The following AZIN2 variants were observed in gnomAD, a reference collection of about 807,000 sequenced individuals.
AZIN2 encodes ODC antizyme inhibitor-2.
A neutral mutation model predicts 47.8 loss-of-function variants in AZIN2; 28 were observed. The observed-to-expected ratio is 0.59, with a 90% CI of 0.43 to 0.80. The LOEUF is 0.80. AZIN2 is among the 30% of genes least tolerant of loss of function. The pLI is 0.00. For synonymous variants in AZIN2, 221 were observed against 239.4 expected (o/e 0.92, Z 0.71); for missense variants, 535 against 582.5 (o/e 0.92, Z 0.84).
chr1:33,133,846 C>T, the AZIN2 span, among the ~76,000 whole-genome samples: 1 of 152,226 alleles, frequency 6.6e-6, no homozygotes, highest in Admixed American at 6.5e-5. Flanking sequence ...GCCAATTGTT[C>T]TTCCCCTAGT....
At chr1:33,111,824 T>C (rs112637300) in intron 10 of AZIN2, among the ~76,000 whole-genome samples, 2,871 of 152,064 alleles carry the variant, frequency 0.019, 76 homozygotes, top group East Asian at 0.08. Context: ...AGGCTGGTCT[T>C]GAACTCCTGA....
chr1:33,120,096 G>C lies in AZIN2; in HGVS notation c.1297G>C (p.Gly433Arg). 6.2e-7 allele frequency: 1 copy of C among 1,614,048 alleles called. No homozygotes were observed. Among genetic ancestry groups the C allele is most frequent in the Non-Finnish European group, 8.5e-7 (1 of 1,179,954 alleles). ...TGCAGAACAGGAGGATGACGTGGAG[G>C]GTGTGTGCAAGCCTCTGTCCTGCGG... Reference protein sequence around the residue: ...MAAEQEDDVEGVCKPLSCGWE... With the variant: ...MAAEQEDDVERVCKPLSCGWE... Residue 433 changes from glycine (G) to arginine (R), a missense_variant, in exon 12 of 12, where the codon GGT becomes CGT. Around this residue, in one of 3 missense-constraint regions of AZIN2, gnomAD observed 122 missense variants for 135.8 expected, o/e 0.90. Coordinates refer to ENST00000294517, the MANE Select transcript of AZIN2 (RefSeq NM_052998.4).
At chr1:33,116,112 A>G (rs1439290588) in intron 10 of AZIN2, among the ~76,000 whole-genome samples, 1 of 152,204 alleles carries the variant, frequency 6.6e-6, no homozygotes, top group Non-Finnish European at 1.5e-5. Context: ...GAGCTTCATG[A>G]CCACAGGAAT....
intron 4 of AZIN2, 37 bp from the exon 5 acceptor site, chr1:33,083,917 G>T: frequency 6.2e-7 from 1 of 1,612,766 alleles, no homozygotes. Context: ...GTGCGAGCTG[G>T]ATGGGGTCTC....
intron 5 of AZIN2, among the ~76,000 whole-genome samples, chr1:33,086,913 T>C (rs1641966795): frequency 6.6e-6 from 1 of 152,156 alleles, no homozygotes; most frequent in South Asian, 2.1e-4. Context: ...CCTTAAGCCA[T>C]TGCTTCCCAG....
In AZIN2 at chr1:33,121,354, G is replaced by C. The variant is rs752964596; in HGVS notation, c.*1172G>C. On this transcript the variant is annotated 3_prime_UTR_variant, in exon 12 of 12. Transcript: ENST00000294517. ...TGAGGCAGGTGATCACCTGAGGTCA[G>C]GAGTTCGAGACCAGCCTGGCCAACA... Among the ~76,000 whole-genome samples the C allele has an allele frequency of 6.6e-6, 1 of 152,204 alleles. No homozygotes were observed. Among genetic ancestry groups the C allele is most frequent in the Non-Finnish European group, 1.5e-5 (1 of 68,044 alleles).
chr1:33,141,681 G>A, the AZIN2 span, among the ~76,000 whole-genome samples: 14 of 152,018 alleles, frequency 9.2e-5, no homozygotes, highest in Non-Finnish European at 1.8e-4. Context: ...TTCAAGGGAG[G>A]GGGGAGCATT....
At chr1:33,083,933 C>A in intron 4 of AZIN2, 21 bp from the exon 5 acceptor site, 1 of 1,613,706 alleles carries the variant, frequency 6.2e-7, no homozygotes, top group South Asian at 1.1e-5. Flanking sequence ...GTCTCACATT[C>A]ATCCACTTCT....
In AZIN2 at chr1:33,094,689, A is replaced by T. The variant is rs1261081235; in HGVS notation, c.729A>T (p.Glu243Asp). 6.2e-7 allele frequency: 1 copy of T among 1,614,126 alleles called. No individual in the cohort carries two copies. Among genetic ancestry groups the T allele is most frequent in the Middle Eastern group, 1.6e-4 (1 of 6,062 alleles). The part of the protein sequence containing the change: ...LDLGGGFPGT[E>D]GAKVRFEEIA... The stretch of plus-strand genomic sequence containing the variant: ...TTGGTGGTGGCTTCCCTGGCACAGA[A>T]GGGGCCAAAGTGAGATTTGAAGAGG... Residue 243 changes from glutamate (E) to aspartate (D), a missense_variant, in exon 8 of 12, where the codon GAA becomes GAT. Glu to Asp is a conservative substitution (Grantham distance 45). Coordinates refer to ENST00000294517, the MANE Select transcript of AZIN2 (RefSeq NM_052998.4).
intron 8 of AZIN2, among the ~76,000 whole-genome samples, chr1:33,095,845 A>AT (rs201010709): frequency 0.03 from 4,457 of 150,830 alleles, 194 homozygotes; most frequent in African/African-American, 0.093. Context: ...AGAGGAAATA[A>AT]TTTTTTTTTT....
At chr1:33,086,057 A>C (rs1641858200) in intron 5 of AZIN2, among the ~76,000 whole-genome samples, 1 of 152,280 alleles carries the variant, frequency 6.6e-6, no homozygotes, top group South Asian at 2.1e-4. Context: ...TGTAGAAGAA[A>C]GGGCAGAGTG....
At chr1:33,083,079 C>G (rs914724600) in intron 4 of AZIN2, 2 of 152,638 alleles carry the variant, frequency 1.3e-5, no homozygotes, top group African/African-American at 2.4e-5. Context: ...TTTCTATTTT[C>G]TTTCTCCATG....
At chr1:33,110,078 C>A (rs1644220423) in intron 10 of AZIN2, among the ~76,000 whole-genome samples, 1 of 152,090 alleles carries the variant, frequency 6.6e-6, no homozygotes. Context: ...TAAGAGTCAA[C>A]TAGAGAAAAA....
At chr1:33,099,265 G>C (rs969277029) in intron 10 of AZIN2, among the ~76,000 whole-genome samples, 1 of 151,906 alleles carries the variant, frequency 6.6e-6, no homozygotes, top group Non-Finnish European at 1.5e-5. Context: ...TGCTGGCCTA[G>C]GGAACCCCTC....
Position 33,120,481 on chromosome 1 carries a change from CT to C in AZIN2, c.*302del. 2.8e-6 allele frequency: 1 copy of C among 358,128 alleles called. No homozygotes were observed. The highest frequency in any genetic ancestry group is 5.1e-6 in the Non-Finnish European group (1 of 197,652). The allele number at this position is 358,128 out of a possible 1,614,324, so 22.2% of individuals were successfully genotyped here. A position where few individuals can be genotyped will look rare whatever the true frequency, so the allele number is the denominator to read the frequency against. ...GGGTCTCCTTTGGTCTCCTTCCCAC[CT>C]TTGTAAATATAATGCAAATAAATAA... On this transcript the variant is annotated 3_prime_UTR_variant, in exon 12 of 12. Transcript: ENST00000294517.
downstream of AZIN2, among the ~76,000 whole-genome samples, chr1:33,128,045 A>G (rs1282188486): frequency 1.3e-5 from 2 of 152,046 alleles, no homozygotes; most frequent in East Asian, 3.8e-4. Context: ...TCTACCTTAT[A>G]CCATTATTCT....
At chr1:33,084,180 A>G (rs951057222) in intron 5 of AZIN2, 53 bp downstream of exon 5, 46 of 1,592,360 alleles carry the variant, frequency 2.9e-5, no homozygotes, top group Non-Finnish European at 3.6e-5. Flanking sequence ...GAACACACAC[A>G]TGGCCAGGCT....
At chr1:33,151,264 TACAGGGCCTGCCACTC>T in the AZIN2 span, among the ~76,000 whole-genome samples, 1 of 152,004 alleles carries the variant, frequency 6.6e-6, no homozygotes, top group Non-Finnish European at 1.5e-5. Context: ...ACAGGATGGG[TACAGGGCCTGCCACTC>T]ACTGGGCCGG....
At chr1:33,125,008 T>C (rs1395764903), downstream of AZIN2, among the ~76,000 whole-genome samples, 1 of 152,260 alleles carries the variant, frequency 6.6e-6, no homozygotes, top group Non-Finnish European at 1.5e-5. Context: ...TATAGCAGCA[T>C]GATTTATAAT....
Sources: gnomAD v4.1 joint callset for allele counts (sites outside exome capture counted in the v4.1 genomes callset) on GRCh38, gnomAD v4.1.1 for gene constraint, gnomAD v4.1.1 regional missense constraint, MANE v1.5 for transcripts, NCBI Gene and HGNC (gene_info 2026-07-23, HGNC 2026-07-21) for gene names.